The following TBC1D5 variants were observed in gnomAD, a reference collection of about 807,000 sequenced individuals.
TBC1D5 encodes the protein TBC1 domain family, member 5.
In TBC1D5, 75 loss-of-function variants were observed where a neutral mutation model predicts 100.3. That is an observed-to-expected ratio of 0.75 (90% CI 0.62 to 0.91). The LOEUF (loss-of-function observed/expected upper bound fraction) is 0.91, where lower values mean the gene tolerates loss of function less well. TBC1D5 is among the 40% of genes least tolerant of loss of function. TBC1D5 has a pLI of 0.00. For missense variants in TBC1D5, 910 were observed against 942.4 expected (o/e 0.97, Z 0.45); for synonymous variants, 323 against 325.6 (o/e 0.99, Z 0.09).
intron 3 of TBC1D5, among the ~76,000 whole-genome samples, chr3:17,503,430 A>G (rs78252688): frequency 0.01 from 1,528 of 149,476 alleles, 175 homozygotes; most frequent in African/African-American, 0.033. Context: ...CTCTCTGCTG[A>G]GCACCCCCAA....
intron 13 of TBC1D5, among the ~76,000 whole-genome samples, chr3:17,368,230 C>T (rs2092277844): frequency 6.6e-6 from 1 of 152,044 alleles, no homozygotes; most frequent in African/African-American, 2.4e-5. Flanking sequence ...AAACTAGGAT[C>T]ATGTAATTTA....
intron 21 of TBC1D5, among the ~76,000 whole-genome samples, chr3:17,162,030 C>A (rs988284856): frequency 2.1e-4 from 31 of 148,736 alleles, no homozygotes; most frequent in Non-Finnish European, 4.3e-4. Context: ...TTTTAACTTA[C>A]TTAATAAAGT....
At chr3:17,483,295 C>A (rs796099299) in intron 3 of TBC1D5, among the ~76,000 whole-genome samples, 8 of 152,118 alleles carry the variant, frequency 5.3e-5, no homozygotes, top group Admixed American at 1.3e-4. Context: ...AAACCACCCC[C>A]CACCCCACCC....
intron 16 of TBC1D5, among the ~76,000 whole-genome samples, chr3:17,253,118 A>T (rs572365307): frequency 6.6e-6 from 1 of 152,344 alleles, no homozygotes; most frequent in Admixed American, 6.5e-5. Context: ...AACAACTTCC[A>T]TTTTATATGG....
chr3:17,441,693 ATTCT>A (rs747053224), intron 3 of TBC1D5, among the ~76,000 whole-genome samples: 13 of 152,208 alleles, frequency 8.5e-5, no homozygotes, highest in Non-Finnish European at 1.3e-4. Context: ...CACAAAATTA[ATTCT>A]TTCTAAGATA....
intron 13 of TBC1D5, among the ~76,000 whole-genome samples, chr3:17,363,590 G>C (rs781236824): frequency 8.2e-5 from 12 of 146,428 alleles, no homozygotes; most frequent in African/African-American, 1.5e-4. Context: ...TTATTTTTTG[G>C]GTAGAGACAA....
At chr3:17,341,835 C>T (rs1053777470) in intron 13 of TBC1D5, among the ~76,000 whole-genome samples, 2 of 152,118 alleles carry the variant, frequency 1.3e-5, no homozygotes, top group African/African-American at 4.8e-5. Context: ...ACACAGAACT[C>T]ATCATTTTAC....
chr3:17,659,377 T>G (rs969712680), intron 1 of TBC1D5, among the ~76,000 whole-genome samples: 1 of 151,900 alleles, frequency 6.6e-6, no homozygotes, highest in Non-Finnish European at 1.5e-5. Context: ...GAAGAGCTGA[T>G]TCCAGAGATA....
intron 2 of TBC1D5, among the ~76,000 whole-genome samples, chr3:17,575,629 A>G (rs2096652840): frequency 6.6e-6 from 1 of 152,132 alleles, no homozygotes; most frequent in African/African-American, 2.4e-5. Flanking sequence ...GGGAATTATT[A>G]GTAAGGTTAT....
chr3:17,717,156 T>C (rs1240071004), intron 1 of TBC1D5, among the ~76,000 whole-genome samples: 1 of 152,058 alleles, frequency 6.6e-6, no homozygotes, highest in Admixed American at 6.6e-5. Context: ...ATCAGTCTTC[T>C]CTGACTCTAG....
intron 13 of TBC1D5, among the ~76,000 whole-genome samples, chr3:17,319,064 T>G (rs1052329516): frequency 6.6e-6 from 1 of 152,164 alleles, no homozygotes; most frequent in Non-Finnish European, 1.5e-5. Context: ...ACTTATGAGG[T>G]CTAGAATTGT....
chr3:17,584,443 T>C (rs80314744), intron 2 of TBC1D5, among the ~76,000 whole-genome samples: 2,522 of 152,328 alleles, frequency 0.017, 52 homozygotes, highest in South Asian at 0.048. Context: ...TCCAAAGATG[T>C]TCATAATGTT....
chr3:17,405,075 T>C, intron 5 of TBC1D5, 114 bp from the exon 6 acceptor site: 2 of 528,250 alleles, frequency 3.8e-6, no homozygotes, highest in South Asian at 7.8e-5. Flanking sequence ...ATATTTCATA[T>C]TCATATCATC....
At chr3:17,168,400 G>A (rs1159119012) in intron 19 of TBC1D5, among the ~76,000 whole-genome samples, 5 of 152,084 alleles carry the variant, frequency 3.3e-5, no homozygotes, top group South Asian at 2.1e-4. Context: ...AGACTTAGCC[G>A]CCACATGAGA....
intron 2 of TBC1D5, among the ~76,000 whole-genome samples, chr3:17,620,612 C>T (rs1018189955): frequency 1.2e-4 from 19 of 152,054 alleles, no homozygotes; most frequent in African/African-American, 2.2e-4. Context: ...AATATCTCTG[C>T]GTTATCTTTA....
intron 8 of TBC1D5, among the ~76,000 whole-genome samples, chr3:17,384,352 A>G (rs566171467): frequency 6.6e-6 from 1 of 152,138 alleles, no homozygotes; most frequent in South Asian, 2.1e-4. Context: ...GGTTTTTAGG[A>G]TAAGAATGTG....
intron 13 of TBC1D5, 126 bp downstream of exon 13, chr3:17,371,949 A>G (rs1396871090): frequency 3.7e-6 from 3 of 808,144 alleles, no homozygotes; most frequent in Middle Eastern, 3.5e-4. Flanking sequence ...AGATGGGAGG[A>G]TCGCTTGAGC....
chr3:17,303,185 C>G (rs2150414419), intron 14 of TBC1D5, among the ~76,000 whole-genome samples: 1 of 152,350 alleles, frequency 6.6e-6, no homozygotes, highest in Middle Eastern at 3.4e-3. Context: ...CTCTCAGAGT[C>G]ACTGCTGCCT....
chr3:17,535,302 T>A (rs2153401388), intron 2 of TBC1D5, among the ~76,000 whole-genome samples: 1 of 152,338 alleles, frequency 6.6e-6, no homozygotes, highest in East Asian at 1.9e-4. Flanking sequence ...TGTTTCTCCA[T>A]GTTAGTGTAG....
Sources: gnomAD v4.1 joint callset for allele counts (sites outside exome capture counted in the v4.1 genomes callset) on GRCh38, gnomAD v4.1.1 for gene constraint, MANE v1.5 for transcripts, NCBI Gene and HGNC (gene_info 2026-07-23, HGNC 2026-07-21) for gene names.